The following PLEKHG4B variants were observed in gnomAD, a reference collection of about 807,000 sequenced individuals.
PLEKHG4B encodes the protein pleckstrin homology and RhoGEF domain containing G4B, also known as pleckstrin homology domain-containing family G member 4B.
PLEKHG4B carries 111 observed loss-of-function variants against 121.3 expected under a neutral mutation model. The ratio of observed to expected loss-of-function variants is 0.92; its 90% confidence interval spans 0.78 to 1.07. The LOEUF is 1.07. Ranked by LOEUF, PLEKHG4B falls within the 50% of genes least tolerant of loss-of-function variation. The pLI is 0.00. For missense variants in PLEKHG4B, 1,831 were observed against 1,757.8 expected, an observed-to-expected ratio of 1.04 and a Z score of -0.74; for synonymous variants, 738 against 725.0, an observed-to-expected ratio of 1.02 and a Z score of -0.29.
In PLEKHG4B at chr5:157,223, T is replaced by G; in HGVS notation, c.2487+312T>G. ...ATAGCTGGGTGTATCTTCCGGACGC[T>G]TTCTCCATGTGCATGCGTACACAGT... On this transcript the variant is annotated intron_variant, in intron 11 of 19. Coordinates refer to ENST00000637938, the MANE Select transcript of PLEKHG4B (RefSeq NM_052909.5). This position sits in a 1 kb window ranked among gnomAD's most constrained non-coding sequence, Gnocchi z 4.6. 1 of 391,252 alleles carries G rather than the reference T, an allele frequency of 2.6e-6. No individual in the cohort carries two copies. Among genetic ancestry groups the G allele is most frequent in the Non-Finnish European group, 4.9e-6 (1 of 204,820 alleles). The allele number at this position is 391,252 out of a possible 1,614,324, so 24.2% of individuals were successfully genotyped here. A position where few individuals can be genotyped will look rare whatever the true frequency, so the allele number is the denominator to read the frequency against.
At chr5:162,597 C>T (rs187327338) in intron 12 of PLEKHG4B, 125 bp from the exon 13 acceptor site, 2 of 673,744 alleles carry the variant, frequency 3.0e-6, no homozygotes, top group South Asian at 5.5e-5. Context: ...GGCGGGACTG[C>T]CTCTCGCTCT....
At chr5:154,310 C>CTATCTT (rs1553988082) in intron 7 of PLEKHG4B, among the ~76,000 whole-genome samples, 5 of 152,174 alleles carry the variant, frequency 3.3e-5, no homozygotes, top group African/African-American at 1.2e-4. Context: ...AGCCCCTTCC[C>CTATCTT]TTTCTTTTTC....
chr5:106,438 G>A (rs1441198541), intron 1 of PLEKHG4B, among the ~76,000 whole-genome samples: 1 of 152,148 alleles, frequency 6.6e-6, no homozygotes, highest in East Asian at 1.9e-4. Context: ...CTTCCTAAAT[G>A]CAGAGTTATA....
intron 2 of PLEKHG4B, among the ~76,000 whole-genome samples, chr5:136,550 C>T (rs2126391673): frequency 6.6e-6 from 1 of 152,246 alleles, no homozygotes; most frequent in South Asian, 2.1e-4. Flanking sequence ...GTCCAATAAG[C>T]ACATGAAGAG....
chr5:127,902 G>T (rs890181434), intron 2 of PLEKHG4B, among the ~76,000 whole-genome samples: 2 of 152,168 alleles, frequency 1.3e-5, no homozygotes, highest in African/African-American at 4.8e-5. Flanking sequence ...ATAAATTTAA[G>T]AAATACATTG....
chr5:155,302 C>T (rs1481544723), intron 8 of PLEKHG4B, 43 bp from the exon 9 acceptor site: 1 of 1,522,446 alleles, frequency 6.6e-7, no homozygotes, highest in Non-Finnish European at 9.1e-7. Context: ...TAGCATTTAA[C>T]AGACTGTGTT....
At chr5:160,860 C>T (rs554251528) in intron 11 of PLEKHG4B, among the ~76,000 whole-genome samples, 2 of 152,332 alleles carry the variant, frequency 1.3e-5, no homozygotes, top group Admixed American at 1.3e-4. Context: ...CTGCCCCTTG[C>T]CTGGCAGTTG....
In PLEKHG4B at chr5:155,040, T is replaced by A. The variant is rs146011467; in HGVS notation, c.2109+49T>A. On this transcript the variant is annotated intron_variant, in intron 8 of 19. Coordinates refer to ENST00000637938, the MANE Select transcript of PLEKHG4B (RefSeq NM_052909.5). Reference sequence around the variant, plus strand: ...CACATGCGACAGTCTCTGGGGACTTTCTGTTATGTGGTTGTTTTTACTAGA... The same window carrying A: ...CACATGCGACAGTCTCTGGGGACTTACTGTTATGTGGTTGTTTTTACTAGA... 816 of 1,462,586 alleles carry A rather than the reference T, an allele frequency of 5.6e-4. 4 individuals carry two copies. The African/African-American group carries it at 9.5e-3, about 17-fold the overall frequency. 90.6% of individuals were successfully genotyped at this position (1,462,586 alleles called of 1,614,324 possible). A position where few individuals can be genotyped will look rare whatever the true frequency, so the allele number is the denominator to read the frequency against.
At chr5:141,848 A>G (rs56202274) in intron 3 of PLEKHG4B, among the ~76,000 whole-genome samples, 28,796 of 151,962 alleles carry the variant, frequency 0.19, 3,811 homozygotes, top group African/African-American at 0.37. Flanking sequence ...GGAAAGTGAC[A>G]GGCTGAGCCC....
At chr5:100,151 ATTT>A (rs1733759963) in intron 1 of PLEKHG4B, among the ~76,000 whole-genome samples, 1 of 152,182 alleles carries the variant, frequency 6.6e-6, no homozygotes, top group South Asian at 2.1e-4. Flanking sequence ...TTTAGAACTA[ATTT>A]TTTGACTCTG....
At chr5:124,141 A>C (rs189510013) in intron 2 of PLEKHG4B, among the ~76,000 whole-genome samples, 2 of 151,986 alleles carry the variant, frequency 1.3e-5, no homozygotes, top group African/African-American at 4.8e-5. Context: ...CAATTTTGTG[A>C]ATTTTTCAGT....
At chr5:128,768 ATCC>A (rs1328566562) in intron 2 of PLEKHG4B, among the ~76,000 whole-genome samples, 1 of 152,102 alleles carries the variant, frequency 6.6e-6, no homozygotes, top group East Asian at 1.9e-4. Flanking sequence ...TCTTCCCAGA[ATCC>A]TCCTCACAAC....
chr5:161,847 A>C lies in PLEKHG4B; in HGVS notation c.2552A>C (p.Gln851Pro). The change falls in exon 12 of 20, where the codon CAG (glutamine) becomes CCG (proline). Residue 851 changes from glutamine (Q) to proline (P), a missense_variant. Coordinates refer to ENST00000637938, the MANE Select transcript of PLEKHG4B (RefSeq NM_052909.5). ...ENPQRTEEMV[Q>P]DFRRGLSAVV... ...CCGCAACGTACAGAGGAAATGGTCCAGGATTTCAGAAGGGGCCTGAGCGCC... is the reference window on the plus strand; with the variant it reads ...CCGCAACGTACAGAGGAAATGGTCCCGGATTTCAGAAGGGGCCTGAGCGCC... The C allele has an allele frequency of 6.2e-7, 1 of 1,613,952 alleles. No individual in the cohort carries two copies. Among genetic ancestry groups the C allele is most frequent in the Non-Finnish European group, 8.5e-7 (1 of 1,180,032 alleles).
rs766811865 is a variant in PLEKHG4B at position 155,359 on chromosome 5, C to G, written c.2124C>G (p.Phe708Leu). Residue 708 changes from phenylalanine (F) to leucine (L), a missense_variant, in exon 9 of 20, where the codon TTC (phenylalanine) becomes TTG (leucine). Phe to Leu is a conservative substitution (Grantham distance 22). Coordinates refer to ENST00000637938, the MANE Select transcript of PLEKHG4B (RefSeq NM_052909.5). ...ACTCACAACAGAGGCTGGAACACTT[C>G]GCTGCAAACTGTGAAGAAGCCATCA... is the stretch of plus-strand genomic sequence containing the variant. ...WICFRQRLEHFAANCEEAIIF... is the reference protein window; with the variant it reads ...WICFRQRLEHLAANCEEAIIF... The G allele has an allele frequency of 6.2e-7, 1 of 1,614,084 alleles. No homozygotes were observed. The highest frequency in any genetic ancestry group is 1.7e-5 in the Admixed American group (1 of 60,032).
chr5:169,568 C>T lies in PLEKHG4B; in HGVS notation c.3705C>T (p.Ala1235=), dbSNP rs149496236. 22 of 1,613,474 alleles carry T rather than the reference C, an allele frequency of 1.4e-5. No individual in the cohort carries two copies. In the African/African-American group the frequency reaches 1.7e-4, roughly 13 times the overall value. Residue 1235 remains alanine (A), a synonymous_variant, in exon 14 of 20, where the codon GCC becomes GCT. Transcript: ENST00000637938. ...ELERCQHCPL[A]VGRSFLRHEE... is the part of the protein sequence containing the mutation. ...AGCGCTGCCAGCACTGCCCCTTGGC[C>T]GTGGGCCGCAGTTTCCTGAGACACG...
At chr5:177,661 G>C (rs1294768240) in intron 18 of PLEKHG4B, among the ~76,000 whole-genome samples, 1 of 152,196 alleles carries the variant, frequency 6.6e-6, no homozygotes, top group African/African-American at 2.4e-5. Flanking sequence ...AAGGCTTTTA[G>C]AGCGGGAAAG....
chr5:105,260 A>C (rs1373676460), intron 1 of PLEKHG4B, among the ~76,000 whole-genome samples: 1 of 152,212 alleles, frequency 6.6e-6, no homozygotes, highest in African/African-American at 2.4e-5. Context: ...GTGGATTCAC[A>C]GCTGTGGCTG....
rs1046399821 is a variant in PLEKHG4B at position 157,109 on chromosome 5, G to T, written c.2487+198G>T. The T allele has an allele frequency of 6.4e-6, 5 of 786,638 alleles. No homozygotes were observed. Among genetic ancestry groups the T allele is most frequent in the Middle Eastern group, 4.7e-4 (2 of 4,230 alleles). 48.7% of individuals were successfully genotyped at this position (786,638 alleles called of 1,614,324 possible). ...TTTATTTTTTACGTGAGAGATACTG[G>T]ATCAGTGGAGAAAAAAAATTTGTTT... On this transcript the variant is annotated intron_variant, in intron 11 of 19. Coordinates refer to ENST00000637938, the MANE Select transcript of PLEKHG4B (RefSeq NM_052909.5). The surrounding 1 kb of genome is among the most constrained non-coding windows in gnomAD (Gnocchi z 4.6).
Position 163,501 on chromosome 5 carries a change from C to T in PLEKHG4B, c.3429C>T (p.Pro1143=), listed in dbSNP as rs1230607810. ...CTCAGAGCCGGAGTCTGTCCTCCCC[C>T]TCGGGGCTCCACCCTGCTGAGGAGG... ...PVTQSRSLSS[P]SGLHPAEEDG... The change falls in exon 13 of 20, where the codon CCC becomes CCT. Residue 1143 remains proline, a synonymous_variant. Transcript: ENST00000637938. The T allele has an allele frequency of 1.2e-6, 2 of 1,611,910 alleles. No homozygotes were observed. Among genetic ancestry groups the T allele is most frequent in the Admixed American group, 3.3e-5 (2 of 59,900 alleles).
Sources: gnomAD v4.1 joint callset for allele counts (sites outside exome capture counted in the v4.1 genomes callset) on GRCh38, gnomAD v4.1.1 for gene constraint, Gnocchi (gnomAD v3.1) non-coding constraint, MANE v1.5 for transcripts, NCBI Gene and HGNC (gene_info 2026-07-23, HGNC 2026-07-21) for gene names.